ARL10: variants seen among roughly 807,000 people sequenced by gnomAD.
The protein encoded by ARL10 is ADP-ribosylation factor-like protein 10.
Under a neutral mutation model 26.1 loss-of-function variants are expected in ARL10, and 23 were observed. The ratio of observed to expected loss-of-function variants is 0.88; its 90% CI spans 0.63 to 1.25. The LOEUF (loss-of-function observed/expected upper bound fraction) is 1.25. ARL10 is among the 50% of genes most tolerant of loss of function. The pLI is 0.00. For missense variants in ARL10, 300 were observed against 323.6 expected (o/e 0.93, Z 0.56); for synonymous variants, 138 against 149.1 (o/e 0.93, Z 0.54).
chr5:176,372,201 G>A lies in ARL10; in HGVS notation c.*306G>A. 1 of 724,922 alleles carries A rather than the reference G, an allele frequency of 1.4e-6. No homozygotes were observed. Among genetic ancestry groups the A allele is most frequent in the Non-Finnish European group, 1.9e-6 (1 of 531,912 alleles). 44.9% of individuals were successfully genotyped at this position (724,922 alleles called of 1,614,324 possible). A position where few individuals can be genotyped will look rare whatever the true frequency, so the allele number is the denominator to read the frequency against. On this transcript the variant is annotated 3_prime_UTR_variant, in exon 4 of 4. Coordinates refer to ENST00000310389, the MANE Select transcript of ARL10 (RefSeq NM_173664.6). The stretch of plus-strand genomic sequence containing the variant: ...TTACCTGTACAGTGAGATGCTCAGT[G>A]GGCTCAATCCTCCACTACAGGTCCC...
Position 176,381,488 on chromosome 5 carries a change from C to G in ARL10, c.*9593C>G, listed in dbSNP as rs1208020808. On this transcript the variant is annotated 3_prime_UTR_variant, in exon 4 of 4. Transcript: ENST00000310389. ...AAAAGGGTTCATGAACCAGGTAGTG[C>G]TCAGGACCAAAAGCGATGGTTCAGA... is the stretch of plus-strand genomic sequence containing the variant. 6.6e-6 allele frequency: 1 copy of G among 152,186 alleles called. No homozygotes were observed. Among genetic ancestry groups the G allele is most frequent in the Non-Finnish European group, 1.5e-5 (1 of 68,038 alleles). The allele number at this position is 152,186 out of a possible 1,614,324, so 9.4% of individuals were successfully genotyped here.
At position 176,388,165 on chromosome 5, in the gene ARL10, C is replaced by T; in HGVS notation, c.37-130C>T. ...GGGAAGGAATGGGCAGTACCACGTT[C>T]TGACACCTAGGTCAGTATGGCGGGG... On this transcript the variant is annotated intron_variant, in intron 1 of 1. Coordinates refer to the ARL10 transcript ENST00000503175. The T allele has an allele frequency of 2.5e-6, 3 of 1,201,446 alleles. No individual in the cohort carries two copies. The South Asian group carries it at 3.9e-5, about 16-fold the overall frequency. 74.4% of individuals were successfully genotyped at this position (1,201,446 alleles called of 1,614,324 possible).
chr5:176,395,998 G>A (rs1364429245), intron 1 of ARL10, among the ~76,000 whole-genome samples: 3 of 152,096 alleles, frequency 2.0e-5, no homozygotes, highest in African/African-American at 7.2e-5. Context: ...AGCCGGGCAC[G>A]GTTGCATGTG....
Position 176,397,962 on chromosome 5 carries a change from C to T in ARL10, c.134-3779C>T, listed in dbSNP as rs761998373. 1.1e-5 allele frequency: 18 copies of T among 1,614,088 alleles called. No individual in the cohort carries two copies. Among genetic ancestry groups the T allele is most frequent in the South Asian group, 6.6e-5 (6 of 91,084 alleles). On this transcript the variant is annotated intron_variant, in intron 1 of 1. Transcript: ENST00000514533. The stretch of plus-strand genomic sequence containing the variant: ...TTGCAGCCGTTTCCTCTGCTCCTCT[C>T]GCCACTTGCGGATGCTCTCAGGCTC...
At position 176,378,394 on chromosome 5, in the gene ARL10, A is replaced by G. The variant is rs1329568697; in HGVS notation, c.*6499A>G. 6.6e-6 allele frequency: 1 copy of G among 152,230 alleles called. No homozygotes were observed. The highest frequency in any genetic ancestry group is 1.5e-5 in the Non-Finnish European group (1 of 68,046). The allele number at this position is 152,230 out of a possible 1,614,324, so 9.4% of individuals were successfully genotyped here. On this transcript the variant is annotated 3_prime_UTR_variant, in exon 4 of 4. Transcript: ENST00000310389. ...GTTATTTATTTTTCACCTTTACTCA[A>G]GATAGCTTGGAACTTATACCAATTT...
chr5:176,410,123 C>G, the ARL10 span: 2 of 759,218 alleles, frequency 2.6e-6, no homozygotes, highest in Non-Finnish European at 4.3e-6. Flanking sequence ...AAACCTTTCT[C>G]TATGTTTCCA....
At position 176,381,127 on chromosome 5, in the gene ARL10, C is replaced by T. The variant is rs184139401; in HGVS notation, c.*9232C>T. 15 of 152,252 alleles carry T rather than the reference C, an allele frequency of 9.9e-5. No homozygotes were observed. The highest frequency in any genetic ancestry group is 5.2e-4 in the Admixed American group (8 of 15,298). The allele number at this position is 152,252 out of a possible 1,614,324, so 9.4% of individuals were successfully genotyped here. A position where few individuals can be genotyped will look rare whatever the true frequency, so the allele number is the denominator to read the frequency against. On this transcript the variant is annotated 3_prime_UTR_variant, in exon 4 of 4. Coordinates refer to ENST00000310389, the MANE Select transcript of ARL10 (RefSeq NM_173664.6). ...CAGACTCCTTGGATTGAAACAAACC[C>T]GTTATCAAAAGGATAACCTACCCAA...
Position 176,373,292 on chromosome 5 carries a change from A to G in ARL10, c.*1397A>G. The G allele has an allele frequency of 2.7e-6, 1 of 372,252 alleles. No individual in the cohort carries two copies. The highest frequency in any genetic ancestry group is 4.8e-6 in the Non-Finnish European group (1 of 209,766). The allele number at this position is 372,252 out of a possible 1,614,324, so 23.1% of individuals were successfully genotyped here. On this transcript the variant is annotated 3_prime_UTR_variant, in exon 4 of 4. Coordinates refer to ENST00000310389, the MANE Select transcript of ARL10 (RefSeq NM_173664.6). ...ATTTCTGGAGTTCTCATCAGTGCAC[A>G]TTCCATAGTTCTCCAGTGCTTGGCG... is the stretch of plus-strand genomic sequence containing the variant.
downstream of ARL10, chr5:176,406,660 G>C (rs967018000): frequency 1.5e-5 from 19 of 1,289,340 alleles, no homozygotes; most frequent in Non-Finnish European, 1.9e-5. Flanking sequence ...TCGTCCTTAG[G>C]CTGTATTGGC....
intron 1 of ARL10, among the ~76,000 whole-genome samples, chr5:176,399,647 ACT>A (rs1418088952): frequency 6.6e-6 from 1 of 152,160 alleles, no homozygotes; most frequent in African/African-American, 2.4e-5. Context: ...TAATTCCAGC[ACT>A]TTGGGAGGCC....
At chr5:176,406,131 C>T, downstream of ARL10, 2 of 986,122 alleles carry the variant, frequency 2.0e-6, no homozygotes, top group Non-Finnish European at 2.4e-6. Context: ...GTGTCACGGG[C>T]CACAACTGGG....
rs1179408966 is a variant in ARL10, at chr5:176,372,877, CAT to C, written c.*984_*985del. The C allele has an allele frequency of 5.0e-6, 2 of 398,536 alleles. No homozygotes were observed. The highest frequency in any genetic ancestry group is 4.1e-5 in the African/African-American group (2 of 48,582). 24.7% of individuals were successfully genotyped at this position (398,536 alleles called of 1,614,324 possible). ...TGTTTTCAAAACCCCAGATGACAGT[CAT>C]AGAAAATTTGGAACTTAGGAAAATA... On this transcript the variant is annotated 3_prime_UTR_variant, in exon 4 of 4. Transcript: ENST00000310389.
chr5:176,380,815 G>C lies in ARL10; in HGVS notation c.*8920G>C, dbSNP rs1483923866. 1 of 152,136 alleles carries C rather than the reference G, an allele frequency of 6.6e-6. No individual in the cohort carries two copies. The highest frequency in any genetic ancestry group is 2.4e-5 in the African/African-American group (1 of 41,392). 9.4% of individuals were successfully genotyped at this position (152,136 alleles called of 1,614,324 possible). On this transcript the variant is annotated 3_prime_UTR_variant, in exon 4 of 4. Transcript: ENST00000310389. ...GAGTGTTGTTTTGTCGCCCAGGCTG[G>C]AGTGCAGTGGCGTGATCTCGGCTTA...
At chr5:176,401,133 G>A (rs1016629520) in intron 1 of ARL10, among the ~76,000 whole-genome samples, 7 of 152,208 alleles carry the variant, frequency 4.6e-5, no homozygotes, top group Non-Finnish European at 8.8e-5. Flanking sequence ...GAGAACACAA[G>A]TTCACTGCTG....
the ARL10 span, among the ~76,000 whole-genome samples, chr5:176,413,667 G>A: frequency 2.6e-5 from 4 of 152,232 alleles, no homozygotes; most frequent in Non-Finnish European, 4.4e-5. Flanking sequence ...AGCAGGCCAG[G>A]GCGCTTTTTC....
chr5:176,408,303 G>A, the ARL10 span, among the ~76,000 whole-genome samples: 2 of 151,984 alleles, frequency 1.3e-5, no homozygotes, highest in South Asian at 4.2e-4. Context: ...GGAGGCCGAG[G>A]TGGGTGGATC....
chr5:176,383,811 C>A (rs1755615638), downstream of ARL10: 4 of 632,670 alleles, frequency 6.3e-6, no homozygotes, highest in Non-Finnish European at 1.1e-5. Context: ...AGGCCAGAGG[C>A]CGTGCCTAGA....
downstream of ARL10, chr5:176,384,102 A>G (rs1379257516): frequency 6.2e-7 from 1 of 1,605,796 alleles, no homozygotes; most frequent in Non-Finnish European, 8.5e-7. Context: ...GTGTGTGTGT[A>G]ACCTTCTGAT....
At chr5:176,392,210 C>T (rs924384601), downstream of ARL10, among the ~76,000 whole-genome samples, 3 of 152,228 alleles carry the variant, frequency 2.0e-5, no homozygotes, top group Admixed American at 6.5e-5. The surrounding 1 kb of genome is among the most constrained non-coding windows in gnomAD (Gnocchi z 5.2). Flanking sequence ...GCCACTTCCC[C>T]TCTGGGAACC....
Sources: allele counts gnomAD v4.1 joint callset (sites outside exome capture counted in the v4.1 genomes callset), GRCh38; gene constraint gnomAD v4.1.1; non-coding constraint Gnocchi (gnomAD v3.1); transcripts MANE v1.5; gene names NCBI Gene and HGNC (gene_info 2026-07-23, HGNC 2026-07-21).